Variants in ADCY3 observed in about 807,000 individuals in gnomAD.
ADCY3 encodes adenylate cyclase 3.
A neutral mutation model predicts 119.4 loss-of-function variants in ADCY3; 70 were observed. That is an observed-to-expected ratio of 0.59 (90% CI 0.48 to 0.72). The LOEUF (loss-of-function observed/expected upper bound fraction) is 0.72. Ranked by LOEUF, ADCY3 falls within the 30% of genes least tolerant of loss-of-function variation. The pLI, the probability that ADCY3 is intolerant of heterozygous loss-of-function variation, is 0.00. For missense variants in ADCY3, 1,238 were observed against 1,541.6 expected (o/e 0.80, Z 3.30); for synonymous variants, 672 against 621.4 (o/e 1.08, Z -1.21).
chr2:24,912,447 A>G (rs1312644311), intron 2 of ADCY3, among the ~76,000 whole-genome samples: 1 of 152,244 alleles, frequency 6.6e-6, no homozygotes, highest in African/African-American at 2.4e-5. Flanking sequence ...CTGTTTGTTT[A>G]TGAAGAAACT....
intron 2 of ADCY3, among the ~76,000 whole-genome samples, chr2:24,879,457 A>G (rs1676125290): frequency 6.7e-6 from 1 of 150,298 alleles, no homozygotes; most frequent in Admixed American, 6.6e-5. Flanking sequence ...TGTCTCAAAA[A>G]AAAAAAAAAA....
intron 2 of ADCY3, among the ~76,000 whole-genome samples, chr2:24,914,047 TC>T (rs1664134536): frequency 6.6e-6 from 1 of 151,396 alleles, no homozygotes; most frequent in African/African-American, 2.4e-5. Context: ...CTGAGCCCAG[TC>T]CCCTCCTTCC....
Position 24,831,557 on chromosome 2 carries a change from G to A in ADCY3, c.2055+105C>T, listed in dbSNP as rs776095599. Reference sequence around the variant, plus strand: ...GGACCGTCCTAACAGAGGAGTGTCTGCCTGTCAGATTTGACAGAAAGAATA... The same window carrying A: ...GGACCGTCCTAACAGAGGAGTGTCTACCTGTCAGATTTGACAGAAAGAATA... On this transcript the variant is annotated intron_variant, in intron 12 of 21. Coordinates refer to ENST00000679454, the MANE Select transcript of ADCY3 (RefSeq NM_004036.5). 6.3e-5 allele frequency: 56 copies of A among 895,598 alleles called. No homozygotes were observed. In the East Asian group the frequency reaches 1.4e-3, roughly 23 times the overall value. The allele number at this position is 895,598 out of a possible 1,614,324, so 55.5% of individuals were successfully genotyped here.
chr2:24,896,149 G>T (rs982710500), intron 2 of ADCY3, among the ~76,000 whole-genome samples: 1 of 152,118 alleles, frequency 6.6e-6, no homozygotes, highest in African/African-American at 2.4e-5. Context: ...ACTTTGGGAG[G>T]CCGAGATGGG....
In ADCY3 at chr2:24,866,518, A is replaced by G. The variant is rs76235270; in HGVS notation, c.825+6052T>C. On this transcript the variant is annotated intron_variant, in intron 3 of 21. Transcript: ENST00000679454. ...CTTGAGCCCAGGAACTCGAAGATGC[A>G]TAAGCCACTGCACTCCAGCCTGAGT... is the stretch of plus-strand genomic sequence containing the variant. Among the ~76,000 whole-genome samples, 669 of 147,548 alleles carry G rather than the reference A, an allele frequency of 4.5e-3. 8 individuals carry two copies. The highest frequency in any genetic ancestry group is 0.016 in the African/African-American group (651 of 40,048).
intron 2 of ADCY3, among the ~76,000 whole-genome samples, chr2:24,889,194 A>C (rs904308303): frequency 6.6e-6 from 1 of 152,226 alleles, no homozygotes; most frequent in African/African-American, 2.4e-5. Flanking sequence ...ATGGTTGGCC[A>C]ATACAGGGAA....
Position 24,837,010 on chromosome 2 carries a change from G to A in ADCY3, c.1569C>T (p.Ser523=). The change falls in exon 9 of 22, where the codon TCC becomes TCT. Residue 523 remains serine, a synonymous_variant. Coordinates refer to ENST00000679454, the MANE Select transcript of ADCY3 (RefSeq NM_004036.5). Reference sequence around the variant, plus strand: ...TGGTCTCAATGAGGGCAGGGGAGCTGGACTTTGAGGAAGCTGGTGCTCCAT... The same window carrying A: ...TGGTCTCAATGAGGGCAGGGGAGCTAGACTTTGAGGAAGCTGGTGCTCCAT... The part of the protein sequence containing the change: ...LPNGAPASSK[S]SSPALIETKE... 6.2e-7 allele frequency: 1 copy of A among 1,614,120 alleles called. No individual in the cohort carries two copies. Among genetic ancestry groups the A allele is most frequent in the Non-Finnish European group, 8.5e-7 (1 of 1,180,016 alleles).
chr2:24,862,343 G>A (rs1300966302), intron 3 of ADCY3, among the ~76,000 whole-genome samples: 2 of 152,124 alleles, frequency 1.3e-5, no homozygotes, highest in African/African-American at 4.8e-5. Context: ...TCAGGAGATC[G>A]AGACCATCCT....
intron 3 of ADCY3, among the ~76,000 whole-genome samples, chr2:24,847,947 G>A (rs1224396205): frequency 6.6e-6 from 1 of 152,230 alleles, no homozygotes; most frequent in Non-Finnish European, 1.5e-5. Context: ...GCACTGGAGT[G>A]TGCGGCCCTG....
At chr2:24,913,008 T>C (rs1663983614) in intron 2 of ADCY3, among the ~76,000 whole-genome samples, 1 of 152,220 alleles carries the variant, frequency 6.6e-6, no homozygotes, top group Non-Finnish European at 1.5e-5. Context: ...ACGTCATCAT[T>C]GTTCTGGTCC....
At chr2:24,902,968 C>G (rs1679073449) in intron 2 of ADCY3, among the ~76,000 whole-genome samples, 1 of 151,972 alleles carries the variant, frequency 6.6e-6, no homozygotes, top group Admixed American at 6.6e-5. Context: ...GAGGTTGAGG[C>G]TGCAGTGAGC....
intron 2 of ADCY3, among the ~76,000 whole-genome samples, chr2:24,901,013 C>G (rs773645501): frequency 6.6e-6 from 1 of 152,000 alleles, no homozygotes; most frequent in Admixed American, 6.5e-5. Flanking sequence ...TGCAGTGAGC[C>G]GAGATCATGC....
At chr2:24,823,492 A>AAT in intron 17 of ADCY3, 137 bp from the exon 18 acceptor site, 1 of 659,676 alleles carries the variant, frequency 1.5e-6, no homozygotes, top group Non-Finnish European at 2.3e-6. Context: ...TTATTCCAGC[A>AAT]TTTTTTTTTT....
intron 2 of ADCY3, among the ~76,000 whole-genome samples, chr2:24,912,501 G>A (rs991481243): frequency 2.0e-5 from 3 of 152,004 alleles, no homozygotes; most frequent in African/African-American, 4.8e-5. Flanking sequence ...TCCATCTGAC[G>A]GAGGGTTTAC....
chr2:24,843,502 C>T (rs1054473444), intron 3 of ADCY3, among the ~76,000 whole-genome samples: 1 of 152,250 alleles, frequency 6.6e-6, no homozygotes, highest in African/African-American at 2.4e-5. Flanking sequence ...TTTCCTGGCA[C>T]CCAGCCATGC....
intron 3 of ADCY3, among the ~76,000 whole-genome samples, chr2:24,855,595 C>T (rs535822294): frequency 6.6e-6 from 1 of 152,262 alleles, no homozygotes; most frequent in South Asian, 2.1e-4. Flanking sequence ...CCTAAAAATA[C>T]AGCATGGTAA....
At chr2:24,907,722 C>T (rs907141396) in intron 2 of ADCY3, among the ~76,000 whole-genome samples, 2 of 152,164 alleles carry the variant, frequency 1.3e-5, no homozygotes, top group East Asian at 3.9e-4. Flanking sequence ...AGACTGGGCG[C>T]AGTAGCTCAC....
At position 24,840,004 on chromosome 2, in the gene ADCY3, C is replaced by T. The variant is rs757721209; in HGVS notation, c.1224G>A (p.Gly408=). Residue 408 remains glycine (G), a synonymous_variant, in exon 7 of 22, where the codon GGG becomes GGA. Transcript: ENST00000679454. ...TGTGCACCCCCACACGCATGTCCAC[C>T]CCAGTCTTGGTCTTCTCCCGCACAT... ...ISYVREKTKT[G]VDMRVGVHTG... 1 of 1,613,290 alleles carries T rather than the reference C, an allele frequency of 6.2e-7. No individual in the cohort carries two copies. The highest frequency in any genetic ancestry group is 1.1e-5 in the South Asian group (1 of 91,062).
rs1202150171 is a variant in ADCY3 at position 24,824,495 on chromosome 2, C to T, written c.2619G>A (p.Glu873=). Residue 873 remains glutamate (E), a synonymous_variant, in exon 17 of 22, where the codon GAG becomes GAA. Coordinates refer to ENST00000679454, the MANE Select transcript of ADCY3 (RefSeq NM_004036.5). ...AGACACGTTCCTTCTGGTCGTGGACCTCAATCTTCCACAAGAAAAGTGTCC... is the reference window on the plus strand; with the variant it reads ...AGACACGTTCCTTCTGGTCGTGGACTTCAATCTTCCACAAGAAAAGTGTCC... ...LARTLFLWKI[E]VHDQKERVYE... is the part of the protein sequence containing the mutation. 6.2e-7 allele frequency: 1 copy of T among 1,614,230 alleles called. No individual in the cohort carries two copies. The highest frequency in any genetic ancestry group is 1.1e-5 in the South Asian group (1 of 91,086).
Sources: allele counts gnomAD v4.1 joint callset (sites outside exome capture counted in the v4.1 genomes callset), GRCh38; gene constraint gnomAD v4.1.1; transcripts MANE v1.5; gene names NCBI Gene and HGNC (gene_info 2026-07-23, HGNC 2026-07-21).